PRKCA: variants seen among roughly 807,000 people sequenced by gnomAD.
PRKCA encodes protein kinase C alpha type.
Under a neutral mutation model 87.0 loss-of-function variants are expected in PRKCA, and 27 were observed. The observed-to-expected ratio is 0.31, with a 90% CI of 0.23 to 0.43. The LOEUF is 0.43. Among genes scored for constraint, PRKCA ranks in the 20% least tolerant of loss-of-function variants. The probability of loss-of-function intolerance (pLI) is 1.00; values close to 1 mark genes in which losing one functional copy is unlikely to be tolerated. For synonymous variants in PRKCA, 329 were observed against 311.1 expected, an observed-to-expected ratio of 1.06 and a Z score of -0.61; for missense variants, 518 against 852.3, an observed-to-expected ratio of 0.61 and a Z score of 4.88.
chr17:66,704,865 C>G (rs1973152214), intron 8 of PRKCA, among the ~76,000 whole-genome samples: 1 of 152,198 alleles, frequency 6.6e-6, no homozygotes, highest in Non-Finnish European at 1.5e-5. Flanking sequence ...AAGCATTTTT[C>G]TCTTTTATCA....
chr17:66,653,202 A>G (rs955632411), intron 5 of PRKCA, among the ~76,000 whole-genome samples: 31 of 152,248 alleles, frequency 2.0e-4, no homozygotes, highest in Admixed American at 2.0e-4. Context: ...TATGTCCCCA[A>G]GAGCTTGTAT....
At chr17:66,719,766 C>G (rs566403125) in intron 8 of PRKCA, among the ~76,000 whole-genome samples, 1 of 152,290 alleles carries the variant, frequency 6.6e-6, no homozygotes, top group South Asian at 2.1e-4. Flanking sequence ...GACTCCGTCT[C>G]AAAAATAAAT....
intron 3 of PRKCA, among the ~76,000 whole-genome samples, chr17:66,580,007 A>G (rs894427405): frequency 6.6e-6 from 1 of 152,164 alleles, no homozygotes; most frequent in African/African-American, 2.4e-5. Context: ...CCTCAAGATC[A>G]GGGGAGATGT....
chr17:66,642,134 ATT>A (rs755435878), intron 4 of PRKCA, among the ~76,000 whole-genome samples: 3 of 144,894 alleles, frequency 2.1e-5, no homozygotes, highest in Admixed American at 6.9e-5. Flanking sequence ...TGCTTTGATC[ATT>A]TTTTTTTTTT....
At chr17:66,367,051 T>C (rs191161834) in intron 2 of PRKCA, among the ~76,000 whole-genome samples, 74 of 152,308 alleles carry the variant, frequency 4.9e-4, no homozygotes, top group East Asian at 5.8e-4. Context: ...TTTCAGATAA[T>C]TGGATGAAAG....
At chr17:66,761,607 C>A (rs1284976881) in intron 13 of PRKCA, among the ~76,000 whole-genome samples, 4 of 151,750 alleles carry the variant, frequency 2.6e-5, no homozygotes, top group Non-Finnish European at 4.4e-5. Context: ...CAGGCACTTA[C>A]CACCACACCC....
At chr17:66,438,733 T>C (rs1913550192) in intron 2 of PRKCA, among the ~76,000 whole-genome samples, 1 of 152,052 alleles carries the variant, frequency 6.6e-6, no homozygotes, top group African/African-American at 2.4e-5. Flanking sequence ...GAAGCAAACA[T>C]GTCCTTCTTT....
chr17:66,504,159 C>T (rs1916867370), intron 3 of PRKCA, among the ~76,000 whole-genome samples: 1 of 152,154 alleles, frequency 6.6e-6, no homozygotes, highest in African/African-American at 2.4e-5. Flanking sequence ...ATTATAGTCC[C>T]TCTGTTATTA....
At chr17:66,709,994 A>G (rs922568343) in intron 8 of PRKCA, among the ~76,000 whole-genome samples, 2 of 152,202 alleles carry the variant, frequency 1.3e-5, no homozygotes, top group Non-Finnish European at 2.9e-5. Flanking sequence ...CGATTCGCCA[A>G]ATACTCCAGG....
chr17:66,399,884 A>C (rs986605524), intron 2 of PRKCA, among the ~76,000 whole-genome samples: 1 of 152,084 alleles, frequency 6.6e-6, no homozygotes, highest in Non-Finnish European at 1.5e-5. Flanking sequence ...AATGGTTCAG[A>C]TTGGGGATTT....
chr17:66,421,028 G>A (rs1912460055), intron 2 of PRKCA, among the ~76,000 whole-genome samples: 1 of 152,190 alleles, frequency 6.6e-6, no homozygotes, highest in Non-Finnish European at 1.5e-5. Context: ...TTCTAAATTG[G>A]TGGATGACTG....
At chr17:66,423,700 A>G (rs758591986) in intron 2 of PRKCA, among the ~76,000 whole-genome samples, 6 of 152,204 alleles carry the variant, frequency 3.9e-5, no homozygotes, top group Admixed American at 6.5e-5. Context: ...GGCCTCCCCC[A>G]GTTGAGAAAC....
intron 2 of PRKCA, among the ~76,000 whole-genome samples, chr17:66,334,648 A>G (rs1448668715): frequency 6.6e-6 from 1 of 152,204 alleles, no homozygotes; most frequent in African/African-American, 2.4e-5. Flanking sequence ...ACTCTTGTGC[A>G]TTGCTGGTGG....
intron 2 of PRKCA, among the ~76,000 whole-genome samples, chr17:66,436,278 G>A (rs1478974705): frequency 6.6e-6 from 1 of 152,136 alleles, no homozygotes; most frequent in African/African-American, 2.4e-5. Flanking sequence ...GAGAGGAGAG[G>A]CAGTATGTCC....
intron 5 of PRKCA, among the ~76,000 whole-genome samples, chr17:66,676,076 G>T (rs939827321): frequency 1.2e-4 from 18 of 152,300 alleles, no homozygotes; most frequent in African/African-American, 4.1e-4. Flanking sequence ...TTGCCGAGGA[G>T]TTCTGGCTCC....
At chr17:66,333,957 G>C (rs969643128) in intron 2 of PRKCA, among the ~76,000 whole-genome samples, 1 of 152,100 alleles carries the variant, frequency 6.6e-6, no homozygotes, top group African/African-American at 2.4e-5. Context: ...TGCAAATAAA[G>C]TGTAAAAAAG....
chr17:66,421,933 A>G (rs1015932498), intron 2 of PRKCA, among the ~76,000 whole-genome samples: 1 of 152,086 alleles, frequency 6.6e-6, no homozygotes, highest in East Asian at 1.9e-4. Flanking sequence ...TGGGTAGCTT[A>G]AACAGCAGAA....
intron 8 of PRKCA, among the ~76,000 whole-genome samples, chr17:66,712,238 C>T (rs1973349494): frequency 6.6e-6 from 1 of 152,138 alleles, no homozygotes; most frequent in African/African-American, 2.4e-5. Context: ...AAGTAAACCC[C>T]TCTCATTGCA....
intron 13 of PRKCA, among the ~76,000 whole-genome samples, chr17:66,767,286 A>T (rs72838624): frequency 4.6e-5 from 7 of 152,314 alleles, no homozygotes; most frequent in Non-Finnish European, 4.4e-5. Context: ...TTATAAGGAA[A>T]TGATGTTATT....
Sources: gnomAD v4.1 joint callset for allele counts (sites outside exome capture counted in the v4.1 genomes callset) on GRCh38, gnomAD v4.1.1 for gene constraint, MANE v1.5 for transcripts, NCBI Gene and HGNC (gene_info 2026-07-23, HGNC 2026-07-21) for gene names.